Variants in ACSBG1 observed in about 807,000 individuals in gnomAD.
ACSBG1 encodes acyl-CoA synthetase bubblegum family member 1.
ACSBG1 carries 39 observed loss-of-function variants against 80.2 expected under a neutral mutation model. The observed-to-expected ratio is 0.49, with a 90% CI of 0.38 to 0.64. The LOEUF (loss-of-function observed/expected upper bound fraction) is 0.64, where lower values mean the gene tolerates loss of function less well. Among genes scored for constraint, ACSBG1 ranks in the 30% least tolerant of loss-of-function variants. The pLI is 0.00. For missense variants in ACSBG1, 828 were observed against 966.4 expected (o/e 0.86, Z 1.90); for synonymous variants, 392 against 379.5 (o/e 1.03, Z -0.38).
intron 1 of ACSBG1, among the ~76,000 whole-genome samples, chr15:78,229,393 A>G (rs887203676): frequency 2.6e-5 from 4 of 152,238 alleles, no homozygotes; most frequent in Non-Finnish European, 5.9e-5. Context: ...CAGATAGTCC[A>G]TGTTTAAGGA....
chr15:78,182,467 T>C lies in ACSBG1; in HGVS notation c.893A>G (p.Asn298Ser). 6.2e-7 allele frequency: 1 copy of C among 1,611,924 alleles called. No individual in the cohort carries two copies. The highest frequency in any genetic ancestry group is 8.5e-7 in the Non-Finnish European group (1 of 1,179,006). The part of the protein sequence containing the change: ...NPKGVMLSQD[N>S]ITWTARYGSQ... ...CACCCCACCGGGCATCTGTCCTACA[T>C]TGTCTTGACTCAGCATCACGCCCTT... The change falls in exon 7 of 14, where the codon AAT becomes AGT. Residue 298 changes from asparagine to serine, a missense_variant and splice_region_variant. Coordinates refer to ENST00000258873, the MANE Select transcript of ACSBG1 (RefSeq NM_015162.5).
At chr15:78,210,975 G>A (rs1354006737) in intron 1 of ACSBG1, among the ~76,000 whole-genome samples, 4 of 152,308 alleles carry the variant, frequency 2.6e-5, no homozygotes, top group Non-Finnish European at 5.9e-5. Context: ...CTTTCAGTGT[G>A]CTGGCTTCTA....
chr15:78,182,394 GGGCAGA>G, intron 7 of ACSBG1, 66 bp downstream of exon 7: 1 of 1,577,050 alleles, frequency 6.3e-7, no homozygotes, highest in Non-Finnish European at 8.6e-7. Flanking sequence ...GGGGCTACTG[GGGCAGA>G]GCCATGGCCC....
In ACSBG1 at chr15:78,174,530, G is replaced by A. The variant is rs1293629382; in HGVS notation, c.1703-6C>T. Reference sequence around the variant, plus strand: ...ACCAGCTGTGATGATTAATTCTGGGGAGGCAAGGCCAGGCCCCCGGCACAG... The same window carrying A: ...ACCAGCTGTGATGATTAATTCTGGGAAGGCAAGGCCAGGCCCCCGGCACAG... On this transcript the variant is annotated splice_polypyrimidine_tract_variant and splice_region_variant and intron_variant, in intron 11 of 13. Transcript: ENST00000258873. The A allele has an allele frequency of 1.9e-6, 3 of 1,613,142 alleles. No homozygotes were observed. The highest frequency in any genetic ancestry group is 1.7e-4 in the Middle Eastern group (1 of 6,056).
chr15:78,177,183 T>C lies in ACSBG1; in HGVS notation c.1702+1431A>G, dbSNP rs1267634578. 1.3e-5 allele frequency among the ~76,000 whole-genome samples: 2 copies of C among 152,142 alleles called. No homozygotes were observed. Among genetic ancestry groups the C allele is most frequent in the African/African-American group, 2.4e-5 (1 of 41,430 alleles). ...TGAAAATGGCCAAGAATAGCCAAGG[T>C]CATCTTGAAGAAGAAGAAGACCAAG... On this transcript the variant is annotated intron_variant, in intron 11 of 13. Transcript: ENST00000258873. This position sits in a 1 kb window ranked among gnomAD's most constrained non-coding sequence, Gnocchi z 4.1.
chr15:78,198,830 A>G (rs2075139754), intron 2 of ACSBG1, among the ~76,000 whole-genome samples: 1 of 152,248 alleles, frequency 6.6e-6, no homozygotes, highest in African/African-American at 2.4e-5. Context: ...GAGAGAGATC[A>G]TCTTATTAAT....
At chr15:78,216,899 CA>C (rs1440575578) in intron 1 of ACSBG1, among the ~76,000 whole-genome samples, 26 of 152,240 alleles carry the variant, frequency 1.7e-4, no homozygotes, top group African/African-American at 6.3e-4. Flanking sequence ...AAGGAGTTGG[CA>C]AGCAGCCTGG....
chr15:78,221,884 A>G (rs557906340), intron 1 of ACSBG1, among the ~76,000 whole-genome samples: 27 of 152,350 alleles, frequency 1.8e-4, no homozygotes, highest in African/African-American at 5.5e-4. Flanking sequence ...AATAAAGCAC[A>G]TGTTTCTGTG....
intron 2 of ACSBG1, among the ~76,000 whole-genome samples, chr15:78,198,703 A>G (rs1255777678): frequency 1.3e-5 from 2 of 152,254 alleles, no homozygotes; most frequent in African/African-American, 2.4e-5. Flanking sequence ...AATATGAAAC[A>G]ATTTAGCAGT....
At position 78,169,563 on chromosome 15, in the gene ACSBG1, T is replaced by G. The variant is rs541997243; in HGVS notation, c.*1881A>C. 6.6e-6 allele frequency: 1 copy of G among 152,324 alleles called. No homozygotes were observed. The highest frequency in any genetic ancestry group is 2.1e-4 in the South Asian group (1 of 4,830). 9.4% of individuals were successfully genotyped at this position (152,324 alleles called of 1,614,324 possible). On this transcript the variant is annotated 3_prime_UTR_variant, in exon 14 of 14. Coordinates refer to ENST00000258873, the MANE Select transcript of ACSBG1 (RefSeq NM_015162.5). ...ATGGAAAATAGAGACAGATTTGTCC[T>G]TTACAGAAATTACTGAGTGTGAATA...
intron 1 of ACSBG1, chr15:78,226,740 A>C (rs1179231841): frequency 7.1e-6 from 1 of 140,730 alleles, no homozygotes; most frequent in African/African-American, 2.6e-5. Flanking sequence ...TTTTTGATAA[A>C]GGAGCCAAGC....
chr15:78,192,772 G>A (rs2141346093), intron 5 of ACSBG1, among the ~76,000 whole-genome samples: 1 of 152,308 alleles, frequency 6.6e-6, no homozygotes, highest in South Asian at 2.1e-4. Flanking sequence ...GGGCACAGAT[G>A]GAAGGTGTGG....
intron 1 of ACSBG1, among the ~76,000 whole-genome samples, chr15:78,215,617 T>C (rs1326604199): frequency 1.3e-5 from 2 of 149,882 alleles, no homozygotes; most frequent in East Asian, 2.0e-4. Context: ...GATTGTGCCA[T>C]TGCACTCCAG....
chr15:78,180,336 G>A (rs1042778011), intron 9 of ACSBG1, among the ~76,000 whole-genome samples: 4 of 152,302 alleles, frequency 2.6e-5, no homozygotes, highest in African/African-American at 7.2e-5. Context: ...AACTATGTGG[G>A]AATTTTGAAA....
At chr15:78,179,006 T>C in intron 10 of ACSBG1, 175 bp from the exon 11 acceptor site, 2 of 626,920 alleles carry the variant, frequency 3.2e-6, no homozygotes, top group Non-Finnish European at 2.7e-6. Flanking sequence ...AAGTAAAGGG[T>C]TTTAGGGAAT....
At chr15:78,222,402 G>C (rs745465017) in intron 1 of ACSBG1, among the ~76,000 whole-genome samples, 1 of 152,160 alleles carries the variant, frequency 6.6e-6, no homozygotes, top group Non-Finnish European at 1.5e-5. Context: ...GGTGGCTGAC[G>C]CCTGTAATTC....
At chr15:78,198,937 G>A (rs2075140888) in intron 2 of ACSBG1, among the ~76,000 whole-genome samples, 1 of 152,128 alleles carries the variant, frequency 6.6e-6, no homozygotes, top group African/African-American at 2.4e-5. Context: ...CATAATAAAT[G>A]AATGAAGTGG....
At chr15:78,217,452 G>A (rs1210607113) in intron 1 of ACSBG1, among the ~76,000 whole-genome samples, 1 of 152,182 alleles carries the variant, frequency 6.6e-6, no homozygotes, top group African/African-American at 2.4e-5. Context: ...GGCCTGTTGG[G>A]TGACTGGGGT....
intron 1 of ACSBG1, among the ~76,000 whole-genome samples, chr15:78,223,088 T>C (rs1405035850): frequency 1.3e-5 from 2 of 152,202 alleles, no homozygotes; most frequent in Non-Finnish European, 2.9e-5. Context: ...ATATGGCTTC[T>C]AAGGCTAAGT....
Sources: allele counts gnomAD v4.1 joint callset (sites outside exome capture counted in the v4.1 genomes callset), GRCh38; gene constraint gnomAD v4.1.1; non-coding constraint Gnocchi (gnomAD v3.1); transcripts MANE v1.5; gene names NCBI Gene and HGNC (gene_info 2026-07-23, HGNC 2026-07-21).